PCDH15: variants seen among roughly 807,000 people sequenced by gnomAD.
PCDH15 encodes protocadherin related 15.
PCDH15 carries 129 observed loss-of-function variants against 178.5 expected under a neutral mutation model. That is an observed-to-expected ratio of 0.72 (90% CI 0.63 to 0.84). The LOEUF (loss-of-function observed/expected upper bound fraction) is 0.84, where lower values mean the gene tolerates loss of function less well. Among genes scored for constraint, PCDH15 ranks in the 40% least tolerant of loss-of-function variants. PCDH15 has a pLI of 0.00. For missense variants in PCDH15, 2,230 were observed against 2,099.9 expected (o/e 1.06, Z -1.21); for synonymous variants, 800 against 732.0 (o/e 1.09, Z -1.50).
Position 54,068,766 on chromosome 10 carries a change from T to C in PCDH15, c.2092-1881A>G, listed in dbSNP as rs374743524. Among the ~76,000 whole-genome samples, 4 of 152,274 alleles carry C rather than the reference T, an allele frequency of 2.6e-5. No individual in the cohort carries two copies. In the East Asian group the frequency reaches 7.7e-4, roughly 29 times the overall value. On this transcript the variant is annotated intron_variant, in intron 17 of 37. Transcript: ENST00000644397. ...GTGCTGATTAATTTCTGTTTTTTGT[T>C]ATGAGTAGTGGTTACATAGGTGTGT...
At chr10:55,551,888 GT>G (rs1389797751) in intron 2 of PCDH15, among the ~76,000 whole-genome samples, 1 of 151,692 alleles carries the variant, frequency 6.6e-6, no homozygotes, top group East Asian at 1.9e-4. Context: ...ATTCTTGGCA[GT>G]AACAAAATGT....
intron 5 of PCDH15, among the ~76,000 whole-genome samples, chr10:54,361,475 C>T (rs1445667520): frequency 6.6e-6 from 1 of 151,944 alleles, no homozygotes; most frequent in Non-Finnish European, 1.5e-5. Context: ...TTGCATGCAC[C>T]CAGCACCATA....
chr10:54,466,261 T>C (rs1187618442), intron 3 of PCDH15, among the ~76,000 whole-genome samples: 2 of 152,032 alleles, frequency 1.3e-5, no homozygotes, highest in African/African-American at 2.4e-5. Context: ...CCTAGATCAA[T>C]GTCCTGAAGT....
intron 2 of PCDH15, among the ~76,000 whole-genome samples, chr10:55,327,314 T>C (rs192740282): frequency 1.3e-5 from 2 of 152,220 alleles, no homozygotes; most frequent in East Asian, 3.9e-4. Context: ...AATAAATTTC[T>C]TCTGTTTATA....
chr10:53,851,218 C>G (rs1408422358), intron 28 of PCDH15, among the ~76,000 whole-genome samples: 8 of 152,070 alleles, frequency 5.3e-5, no homozygotes. Context: ...CTATTTAAAA[C>G]AGCACCTCTC....
chr10:55,474,879 G>A lies in PCDH15; in HGVS notation c.-156+152746C>T, dbSNP rs1421535835. 2.0e-5 allele frequency among the ~76,000 whole-genome samples: 3 copies of A among 152,206 alleles called. No individual in the cohort carries two copies. The East Asian group carries it at 5.8e-4, about 29-fold the overall frequency. ...GCCTTCAAAATATACTCTCTACCAT[G>A]AATAAGCCCTGTCGATTCTATCTTC... On this transcript the variant is annotated intron_variant, in intron 2 of 5. Coordinates refer to the PCDH15 transcript ENST00000613346.
At chr10:54,258,430 C>T (rs1219689180) in intron 8 of PCDH15, among the ~76,000 whole-genome samples, 3 of 152,098 alleles carry the variant, frequency 2.0e-5, no homozygotes, top group Non-Finnish European at 2.9e-5. Flanking sequence ...CTTGCTAATT[C>T]TCCTGCTGAA....
chr10:55,002,352 G>T (rs1839813424), intron 2 of PCDH15, among the ~76,000 whole-genome samples: 2 of 152,228 alleles, frequency 1.3e-5, no homozygotes, highest in Admixed American at 1.3e-4. Context: ...AACAATATTT[G>T]CATTTACCAT....
intron 2 of PCDH15, among the ~76,000 whole-genome samples, chr10:55,620,167 C>A (rs1843562325): frequency 6.6e-6 from 1 of 151,990 alleles, no homozygotes; most frequent in Non-Finnish European, 1.5e-5. Context: ...TTAATACATG[C>A]CAAATGTCAT....
intron 2 of PCDH15, among the ~76,000 whole-genome samples, chr10:55,155,792 G>A (rs538654967): frequency 2.0e-5 from 3 of 150,600 alleles, no homozygotes; most frequent in Admixed American, 6.6e-5. Flanking sequence ...CACATAGTAT[G>A]TCTATACAAA....
chr10:55,389,819 A>G (rs977549471), intron 2 of PCDH15, among the ~76,000 whole-genome samples: 2 of 152,172 alleles, frequency 1.3e-5, no homozygotes, highest in African/African-American at 4.8e-5. Flanking sequence ...TAAATACCAA[A>G]AAATGCCATA....
intron 2 of PCDH15, among the ~76,000 whole-genome samples, chr10:54,922,430 A>G (rs1386449265): frequency 6.6e-6 from 1 of 152,164 alleles, no homozygotes; most frequent in Admixed American, 6.5e-5. Flanking sequence ...CCGGGCAGTC[A>G]TTAAATCTCA....
chr10:55,358,980 C>T (rs1845149856), intron 2 of PCDH15, among the ~76,000 whole-genome samples: 1 of 152,012 alleles, frequency 6.6e-6, no homozygotes. Context: ...TCTTTCGAGG[C>T]CAGGACTTCA....
At chr10:54,858,613 T>C (rs1180590895) in intron 3 of PCDH15, among the ~76,000 whole-genome samples, 1 of 152,104 alleles carries the variant, frequency 6.6e-6, no homozygotes, top group Admixed American at 6.6e-5. Context: ...GCTACCAGGA[T>C]GGCAACATTA....
At chr10:55,154,601 C>T (rs1167674474) in intron 2 of PCDH15, among the ~76,000 whole-genome samples, 1 of 152,108 alleles carries the variant, frequency 6.6e-6, no homozygotes, top group Non-Finnish European at 1.5e-5. Flanking sequence ...ATCAATAATA[C>T]TATGCTTCAT....
intron 2 of PCDH15, among the ~76,000 whole-genome samples, chr10:55,441,398 T>C (rs918509958): frequency 1.1e-4 from 17 of 152,200 alleles, no homozygotes; most frequent in African/African-American, 3.4e-4. Context: ...AATTGAGAGA[T>C]TGTCTGTTAC....
At chr10:55,342,651 C>G (rs1270362858) in intron 2 of PCDH15, among the ~76,000 whole-genome samples, 5 of 151,964 alleles carry the variant, frequency 3.3e-5, no homozygotes, top group Non-Finnish European at 7.4e-5. Context: ...TCTTGTCACA[C>G]TGATTTTGGC....
intron 2 of PCDH15, among the ~76,000 whole-genome samples, chr10:54,969,257 G>C (rs1838871655): frequency 6.6e-6 from 1 of 152,150 alleles, no homozygotes; most frequent in Non-Finnish European, 1.5e-5. Flanking sequence ...CTTGGAAGCA[G>C]TGTGATCCTT....
chr10:53,950,895 A>G (rs1399634864), intron 23 of PCDH15, among the ~76,000 whole-genome samples: 1 of 152,218 alleles, frequency 6.6e-6, no homozygotes, highest in Non-Finnish European at 1.5e-5. Flanking sequence ...CTTAGTAAAT[A>G]TGAACATGCA....
Sources: allele counts gnomAD v4.1 joint callset (sites outside exome capture counted in the v4.1 genomes callset), GRCh38; gene constraint gnomAD v4.1.1; transcripts MANE v1.5; gene names NCBI Gene and HGNC (gene_info 2026-07-23, HGNC 2026-07-21).